The following GLIS3 variants were observed in gnomAD, a reference collection of about 807,000 sequenced individuals.
GLIS3 encodes the protein zinc finger protein GLIS3.
In GLIS3, 53 loss-of-function variants were observed where a neutral mutation model predicts 78.6. The observed-to-expected ratio is 0.67, with a 90% CI of 0.54 to 0.85. The LOEUF is 0.85. Ranked by LOEUF, GLIS3 falls within the 40% of genes least tolerant of loss-of-function variation. GLIS3 has a pLI of 0.00. For synonymous variants in GLIS3, 684 were observed against 509.9 expected (o/e 1.34, Z -4.60); for missense variants, 1,703 against 1,231.1 (o/e 1.38, Z -5.74).
chr9:4,366,782 A>C, the GLIS3 span, among the ~76,000 whole-genome samples: 4 of 152,328 alleles, frequency 2.6e-5, no homozygotes, highest in Non-Finnish European at 5.9e-5. Flanking sequence ...GACTGAATTT[A>C]CCAACCACCA....
upstream of GLIS3, among the ~76,000 whole-genome samples, chr9:4,300,246 A>ACT (rs1554653808): frequency 2.2e-4 from 29 of 131,544 alleles, no homozygotes; most frequent in African/African-American, 7.9e-4. Flanking sequence ...ACACACACAC[A>ACT]CTCCCCGTGC....
intron 2 of GLIS3, among the ~76,000 whole-genome samples, chr9:4,169,465 A>G (rs1246825146): frequency 6.6e-6 from 1 of 152,168 alleles, no homozygotes; most frequent in Non-Finnish European, 1.5e-5. Context: ...TCTCACAGCT[A>G]CCACTTAATG....
chr9:4,018,408 T>G (rs945913499), intron 4 of GLIS3, among the ~76,000 whole-genome samples: 1 of 152,184 alleles, frequency 6.6e-6, no homozygotes, highest in Non-Finnish European at 1.5e-5. Flanking sequence ...GAAAGCAAGA[T>G]GAATTACTTC....
rs1817573396 is a variant in GLIS3 at position 4,324,344 on chromosome 9, A to G, written n.265-13816T>C. 2.0e-5 allele frequency among the ~76,000 whole-genome samples: 3 copies of G among 152,118 alleles called. No homozygotes were observed. The South Asian group carries it at 6.2e-4, about 32-fold the overall frequency. Reference sequence around the variant, plus strand: ...TTGTGACCCTTGCCACTTATTTTCAATGTCATCTTAGATAAGTTACTTAAC... The same window carrying G: ...TTGTGACCCTTGCCACTTATTTTCAGTGTCATCTTAGATAAGTTACTTAAC... On this transcript the variant is annotated intron_variant and non_coding_transcript_variant, in intron 2 of 4. Transcript: ENST00000471664.
chr9:4,150,059 CAG>C (rs984356732), intron 2 of GLIS3, among the ~76,000 whole-genome samples: 1 of 152,074 alleles, frequency 6.6e-6, no homozygotes, highest in Non-Finnish European at 1.5e-5. Context: ...CACACACACA[CAG>C]ATGAGCACAA....
rs79610586 is a variant in GLIS3, at chr9:4,309,746, G to T, written n.392+655C>A. Reference sequence around the variant, plus strand: ...ATTTATTTTTTATCTTTACCAGTTGGCCTATTTTTTTTTTCTTCACATGAC... The same window carrying T: ...ATTTATTTTTTATCTTTACCAGTTGTCCTATTTTTTTTTTCTTCACATGAC... On this transcript the variant is annotated intron_variant and non_coding_transcript_variant, in intron 3 of 4. Coordinates refer to the GLIS3 transcript ENST00000471664. 7.5e-3 allele frequency among the ~76,000 whole-genome samples: 1,135 copies of T among 151,946 alleles called. 7 individuals are homozygous for T. The highest frequency in any genetic ancestry group is 0.013 in the Non-Finnish European group (851 of 67,972).
At chr9:4,082,100 G>C (rs890550293) in intron 4 of GLIS3, among the ~76,000 whole-genome samples, 2 of 152,174 alleles carry the variant, frequency 1.3e-5, no homozygotes, top group South Asian at 2.1e-4. Context: ...ATGCACTATG[G>C]TGTCTTAGGA....
intron 2 of GLIS3, among the ~76,000 whole-genome samples, chr9:4,318,576 T>G (rs1817473961): frequency 6.6e-6 from 1 of 152,022 alleles, no homozygotes; most frequent in Non-Finnish European, 1.5e-5. Context: ...ATAACAACAA[T>G]AAGTTATAAA....
chr9:4,058,815 C>T (rs1243779345), intron 4 of GLIS3, among the ~76,000 whole-genome samples: 1 of 151,836 alleles, frequency 6.6e-6, no homozygotes, highest in Admixed American at 6.6e-5. Context: ...CCCATCTCTA[C>T]TAAAAAATAC....
intron 4 of GLIS3, among the ~76,000 whole-genome samples, chr9:4,052,430 T>G (rs1825809117): frequency 6.6e-6 from 1 of 152,152 alleles, no homozygotes; most frequent in East Asian, 1.9e-4. Context: ...CACCATCTAG[T>G]TCCAGAACAT....
At position 3,828,496 on chromosome 9, in the gene GLIS3, G is replaced by A. The variant is rs986472329; in HGVS notation, c.2657-88C>T. On this transcript the variant is annotated intron_variant, in intron 10 of 10. Transcript: ENST00000381971. ...GCACTACAGTAATGCAGCTCACCAA[G>A]TGAGGACTGGGGGCTAAGGAGGCAA... 11 of 1,551,600 alleles carry A rather than the reference G, an allele frequency of 7.1e-6. No homozygotes were observed. In the South Asian group the frequency reaches 1.2e-4, roughly 18 times the overall value.
chr9:4,339,851 T>G (rs1171436712), intron 2 of GLIS3, among the ~76,000 whole-genome samples: 1 of 736 alleles, frequency 1.4e-3, no homozygotes, highest in Non-Finnish European at 2.6e-3. Context: ...GGGGAGGGGG[T>G]AGGGGAGGGG....
At chr9:3,845,032 A>G (rs560670849) in intron 9 of GLIS3, among the ~76,000 whole-genome samples, 3 of 151,970 alleles carry the variant, frequency 2.0e-5, no homozygotes, top group African/African-American at 7.2e-5. Context: ...TTTCTCTTTT[A>G]GAAATATTTC....
chr9:4,254,345 A>G (rs1035810832), intron 2 of GLIS3, among the ~76,000 whole-genome samples: 1 of 152,250 alleles, frequency 6.6e-6, no homozygotes, highest in African/African-American at 2.4e-5. Flanking sequence ...TCTGAAGAAA[A>G]TTACAAATCA....
At chr9:3,943,437 C>T (rs1325135672) in intron 4 of GLIS3, among the ~76,000 whole-genome samples, 1 of 152,196 alleles carries the variant, frequency 6.6e-6, no homozygotes, top group African/African-American at 2.4e-5. Context: ...CCCGCTTGTC[C>T]TTAACAGGGC....
intron 1 of GLIS3, among the ~76,000 whole-genome samples, chr9:4,287,848 C>T (rs1200618276): frequency 6.6e-6 from 1 of 152,236 alleles, no homozygotes; most frequent in Non-Finnish European, 1.5e-5. Context: ...ATGCCTTCTG[C>T]AAAGTTTGCT....
intron 2 of GLIS3, among the ~76,000 whole-genome samples, chr9:4,328,023 T>C (rs1482916724): frequency 6.6e-6 from 1 of 152,178 alleles, no homozygotes; most frequent in East Asian, 1.9e-4. Context: ...CGAATGCATG[T>C]TCCTGTGTTG....
chr9:4,194,991 C>G (rs925521860), intron 2 of GLIS3, among the ~76,000 whole-genome samples: 1 of 152,206 alleles, frequency 6.6e-6, no homozygotes, highest in African/African-American at 2.4e-5. Context: ...TAGTCTCAGC[C>G]CAGAGATTGC....
intron 4 of GLIS3, among the ~76,000 whole-genome samples, chr9:3,990,873 G>T (rs960263060): frequency 6.6e-6 from 1 of 152,032 alleles, no homozygotes; most frequent in African/African-American, 2.4e-5. Flanking sequence ...AAATATACAG[G>T]TTCATCCCTG....
Sources: allele counts gnomAD v4.1 joint callset (sites outside exome capture counted in the v4.1 genomes callset), GRCh38; gene constraint gnomAD v4.1.1; transcripts MANE v1.5; gene names NCBI Gene and HGNC (gene_info 2026-07-23, HGNC 2026-07-21).